ENPP6: variants seen among roughly 807,000 people sequenced by gnomAD.
ENPP6 encodes the protein glycerophosphocholine cholinephosphodiesterase ENPP6.
ENPP6 carries 32 observed loss-of-function variants against 42.0 expected under a neutral mutation model. That is an observed-to-expected ratio of 0.76 (90% CI 0.58 to 1.02). The LOEUF is 1.02. Among genes scored for constraint, ENPP6 ranks in the 50% least tolerant of loss-of-function variants. The pLI is 0.00. For missense variants in ENPP6, 552 were observed against 566.8 expected, an observed-to-expected ratio of 0.97 and a Z score of 0.27; for synonymous variants, 213 against 216.0, an observed-to-expected ratio of 0.99 and a Z score of 0.12.
At chr4:184,107,902 A>G (rs1418728818) in intron 6 of ENPP6, among the ~76,000 whole-genome samples, 1 of 150,166 alleles carries the variant, frequency 6.7e-6, no homozygotes, top group Admixed American at 6.6e-5. Context: ...GCAACAGAGC[A>G]AGACTCAGTC....
chr4:184,165,795 G>A (rs1301750101), intron 1 of ENPP6, among the ~76,000 whole-genome samples: 2 of 152,156 alleles, frequency 1.3e-5, no homozygotes. Flanking sequence ...GAGACTGAAC[G>A]TACACATACT....
chr4:184,149,285 C>G (rs1413777486), intron 2 of ENPP6, among the ~76,000 whole-genome samples: 1 of 152,208 alleles, frequency 6.6e-6, no homozygotes, highest in Non-Finnish European at 1.5e-5. Flanking sequence ...GTCAGCCTGA[C>G]TGAAGGTTGT....
At chr4:184,136,755 T>G (rs879299969) in intron 2 of ENPP6, among the ~76,000 whole-genome samples, 6 of 152,248 alleles carry the variant, frequency 3.9e-5, no homozygotes, top group Admixed American at 6.5e-5. Context: ...TGGCTTCTTT[T>G]AAGATTTTCT....
chr4:184,145,004 G>A (rs1344711078), intron 2 of ENPP6, among the ~76,000 whole-genome samples: 1 of 152,258 alleles, frequency 6.6e-6, no homozygotes, highest in African/African-American at 2.4e-5. Flanking sequence ...AGGAAGGGCA[G>A]GCCCAGGGAA....
chr4:184,196,465 C>T (rs1293061153), intron 1 of ENPP6, among the ~76,000 whole-genome samples: 1 of 152,116 alleles, frequency 6.6e-6, no homozygotes, highest in Non-Finnish European at 1.5e-5. Context: ...CTATGTATGT[C>T]AATACTATAT....
chr4:184,133,036 G>A (rs994276418), intron 2 of ENPP6, among the ~76,000 whole-genome samples: 3 of 151,942 alleles, frequency 2.0e-5, no homozygotes, highest in Non-Finnish European at 4.4e-5. Flanking sequence ...CTTACTTTTT[G>A]TAGTTTAAAG....
At chr4:184,186,144 T>C (rs1249907912) in intron 1 of ENPP6, among the ~76,000 whole-genome samples, 1 of 152,236 alleles carries the variant, frequency 6.6e-6, no homozygotes, top group African/African-American at 2.4e-5. Context: ...ATATTCATAA[T>C]ACTATTTCAA....
At chr4:184,123,126 A>G (rs1220641523) in intron 3 of ENPP6, among the ~76,000 whole-genome samples, 1 of 152,188 alleles carries the variant, frequency 6.6e-6, no homozygotes, top group Non-Finnish European at 1.5e-5. Context: ...CATTCTAAGA[A>G]GCAGTGAAGG....
intron 6 of ENPP6, among the ~76,000 whole-genome samples, chr4:184,100,831 G>T (rs543719469): frequency 1.3e-5 from 2 of 152,238 alleles, no homozygotes; most frequent in Non-Finnish European, 2.9e-5. Flanking sequence ...TCAGTTCTAC[G>T]GATGTGGACT....
chr4:184,135,538 T>A (rs974027488), intron 2 of ENPP6, among the ~76,000 whole-genome samples: 1 of 152,244 alleles, frequency 6.6e-6, no homozygotes, highest in Non-Finnish European at 1.5e-5. Context: ...ATGTGTCTTT[T>A]AAAAATGCTA....
At chr4:184,194,623 G>A (rs1388095281) in intron 1 of ENPP6, among the ~76,000 whole-genome samples, 1 of 152,180 alleles carries the variant, frequency 6.6e-6, no homozygotes, top group East Asian at 1.9e-4. Context: ...TCCCACCCGC[G>A]AGGGTGGCCC....
At chr4:184,216,277 G>C (rs1302368495) in intron 1 of ENPP6, among the ~76,000 whole-genome samples, 2 of 152,196 alleles carry the variant, frequency 1.3e-5, no homozygotes, top group Non-Finnish European at 2.9e-5. Context: ...TGTTAATTCT[G>C]TTTATCTTAG....
chr4:184,149,856 T>C (rs768202468), intron 2 of ENPP6, among the ~76,000 whole-genome samples: 1 of 152,230 alleles, frequency 6.6e-6, no homozygotes, highest in African/African-American at 2.4e-5. Flanking sequence ...ACACCATATC[T>C]TACTATTCTC....
At chr4:184,113,821 T>C (rs1444810821) in intron 5 of ENPP6, among the ~76,000 whole-genome samples, 1 of 151,514 alleles carries the variant, frequency 6.6e-6, no homozygotes, top group Non-Finnish European at 1.5e-5. Flanking sequence ...GAATATAGGC[T>C]TCAGCCACCG....
At position 184,148,068 on chromosome 4, in the gene ENPP6, G is replaced by A. The variant is rs947505224; in HGVS notation, c.421+5486C>T. On this transcript the variant is annotated intron_variant, in intron 2 of 7. Coordinates refer to ENST00000296741, the MANE Select transcript of ENPP6 (RefSeq NM_153343.4). ...ACTCCTTATTAGATGATGTCATCATGCTTGCTTTTCATTATTGTACTTTTG... is the reference window on the plus strand; with the variant it reads ...ACTCCTTATTAGATGATGTCATCATACTTGCTTTTCATTATTGTACTTTTG... 2.6e-5 allele frequency among the ~76,000 whole-genome samples: 4 copies of A among 152,120 alleles called. No homozygotes were observed. The East Asian group carries it at 7.7e-4, about 29-fold the overall frequency.
chr4:184,198,015 G>A (rs548039558), intron 1 of ENPP6, among the ~76,000 whole-genome samples: 1 of 152,360 alleles, frequency 6.6e-6, no homozygotes, highest in Non-Finnish European at 1.5e-5. Context: ...GAGGCATCCA[G>A]TATGAAGATG....
At chr4:184,101,138 CAT>C (rs1385520296) in intron 6 of ENPP6, among the ~76,000 whole-genome samples, 3 of 151,428 alleles carry the variant, frequency 2.0e-5, no homozygotes, top group Admixed American at 6.6e-5. Context: ...CATGTAAACA[CAT>C]GTGTGCATGT....
chr4:184,203,697 G>T (rs905794030), intron 1 of ENPP6, among the ~76,000 whole-genome samples: 1 of 152,190 alleles, frequency 6.6e-6, no homozygotes, highest in Non-Finnish European at 1.5e-5. Context: ...ACTTCAGAGA[G>T]AACACGGCCC....
chr4:184,112,668 T>C lies in ENPP6; in HGVS notation c.993+4A>G. On this transcript the variant is annotated splice_donor_region_variant and intron_variant, in intron 6 of 7. Coordinates refer to ENST00000296741, the MANE Select transcript of ENPP6 (RefSeq NM_153343.4). ...GAATAAATTGGCACATATTTCATAA[T>C]TACCTCAGTTATGAACCAGCCTTCA... The C allele has an allele frequency of 6.2e-7, 1 of 1,610,870 alleles. No homozygotes were observed. The highest frequency in any genetic ancestry group is 8.5e-7 in the Non-Finnish European group (1 of 1,179,026).
Sources: allele counts gnomAD v4.1 joint callset (sites outside exome capture counted in the v4.1 genomes callset), GRCh38; gene constraint gnomAD v4.1.1; transcripts MANE v1.5; gene names NCBI Gene and HGNC (gene_info 2026-07-23, HGNC 2026-07-21).